Variants in PPIL2 observed in about 807,000 individuals in gnomAD.
The protein encoded by PPIL2 is peptidylprolyl isomerase like 2.
In PPIL2, 50 loss-of-function variants were observed where a neutral mutation model predicts 75.2. That is an observed-to-expected ratio of 0.66 (90% CI 0.53 to 0.84). PPIL2 has a LOEUF of 0.84. Among genes scored for constraint, PPIL2 ranks in the 40% least tolerant of loss-of-function variants. The pLI is 0.00. For missense variants in PPIL2, 590 were observed against 685.0 expected (o/e 0.86, Z 1.55); for synonymous variants, 245 against 258.8 (o/e 0.95, Z 0.51).
intron 15 of PPIL2, among the ~76,000 whole-genome samples, chr22:21,692,406 G>C (rs549891140): frequency 6.7e-6 from 1 of 149,438 alleles, no homozygotes; most frequent in Non-Finnish European, 1.5e-5. Context: ...CGCCCACCTT[G>C]GCCTCCCAAA....
intron 6 of PPIL2, among the ~76,000 whole-genome samples, chr22:21,678,288 G>C (rs2066961939): frequency 6.6e-6 from 1 of 152,140 alleles, no homozygotes. Context: ...CTGGAATGCA[G>C]TGGCACAGTC....
In PPIL2 at chr22:21,675,108, C is replaced by G; in HGVS notation, c.288C>G (p.Asn96Lys). ...TGATCAAGCTGAACTTTTCCAAGAA[C>G]AGTGAGGGTGAGTGGAACTATCACA... ...RSLIKLNFSKNSEGKYHCPVL... is the reference protein window; with the variant it reads ...RSLIKLNFSKKSEGKYHCPVL... The change falls in exon 6 of 20, where the codon AAC becomes AAG. Residue 96 changes from asparagine to lysine, a missense_variant. By Grantham distance (94) the Asn-to-Lys change is moderately conservative. Coordinates refer to ENST00000398831, the MANE Select transcript of PPIL2 (RefSeq NM_014337.4). 6.2e-7 allele frequency: 1 copy of G among 1,613,124 alleles called. No individual in the cohort carries two copies. Among genetic ancestry groups the G allele is most frequent in the Non-Finnish European group, 8.5e-7 (1 of 1,179,126 alleles).
intron 15 of PPIL2, among the ~76,000 whole-genome samples, chr22:21,689,457 A>G (rs780439792): frequency 6.6e-6 from 1 of 152,122 alleles, no homozygotes; most frequent in Non-Finnish European, 1.5e-5. Flanking sequence ...AGGATTTTTT[A>G]TAGTTTATGA....
chr22:21,690,211 G>C lies in PPIL2; in HGVS notation c.1139+1362G>C, dbSNP rs187762138. Among the ~76,000 whole-genome samples, 1,164 of 152,054 alleles carry C rather than the reference G, an allele frequency of 7.7e-3. 17 individuals carry two copies. The highest frequency in any genetic ancestry group is 0.026 in the African/African-American group (1,087 of 41,452). On this transcript the variant is annotated intron_variant, in intron 15 of 19. Transcript: ENST00000398831. Reference sequence around the variant, plus strand: ...CAGCCTGGGCAACATGGCAAAACCCGATCTCTACAAAAAATAAAAAAAATT... The same window carrying C: ...CAGCCTGGGCAACATGGCAAAACCCCATCTCTACAAAAAATAAAAAAAATT...
intron 1 of PPIL2, among the ~76,000 whole-genome samples, chr22:21,666,458 C>T (rs934081194): frequency 6.6e-6 from 1 of 152,182 alleles, no homozygotes; most frequent in Non-Finnish European, 1.5e-5. Context: ...TACTTCACGT[C>T]TCGCTGTGTT....
Position 21,696,836 on chromosome 22 carries a change from T to C in PPIL2, c.*1346T>C. 1.3e-6 allele frequency: 2 copies of C among 1,565,620 alleles called. No individual in the cohort carries two copies. The highest frequency in any genetic ancestry group is 1.7e-6 in the Non-Finnish European group (2 of 1,155,728). On this transcript the variant is annotated 3_prime_UTR_variant, in exon 20 of 20. Transcript: ENST00000398831. The stretch of plus-strand genomic sequence containing the variant: ...CTGAGCCCTTTGTCTCCCTGGATGC[T>C]GGGTGGCGCCTCATCTGCATCTCTG...
Position 21,695,805 on chromosome 22 carries a change from G to A in PPIL2, c.*315G>A. On this transcript the variant is annotated 3_prime_UTR_variant, in exon 20 of 20. Coordinates refer to ENST00000398831, the MANE Select transcript of PPIL2 (RefSeq NM_014337.4). ...CTAGTAGGCAGGCCAGGTTAGTGAG[G>A]AAGGACTGTGTCTCCAGATTGTGGT... is the stretch of plus-strand genomic sequence containing the variant. 1 of 1,199,786 alleles carries A rather than the reference G, an allele frequency of 8.3e-7. No homozygotes were observed. The highest frequency in any genetic ancestry group is 1.0e-6 in the Non-Finnish European group (1 of 955,214). The allele number at this position is 1,199,786 out of a possible 1,614,324, so 74.3% of individuals were successfully genotyped here.
intron 6 of PPIL2, among the ~76,000 whole-genome samples, chr22:21,678,988 T>TTGGGTTCAAGCGATTCTCC (rs1411155569): frequency 5.5e-4 from 82 of 150,432 alleles, no homozygotes; most frequent in African/African-American, 1.9e-3. Flanking sequence ...CCTCCGCCTC[T>TTGGGTTCAAGCGATTCTCC]TGGGTTCAAG....
chr22:21,667,173 T>TTTTG (rs1192471450), intron 1 of PPIL2, among the ~76,000 whole-genome samples: 1 of 137,552 alleles, frequency 7.3e-6, no homozygotes, highest in African/African-American at 2.7e-5. Flanking sequence ...TTTTTTTTTT[T>TTTTG]GAGACGCAGT....
At chr22:21,698,008 C>T (rs746818771), downstream of PPIL2, 4 of 152,366 alleles carry the variant, frequency 2.6e-5, no homozygotes, top group Non-Finnish European at 5.9e-5. Context: ...CACATTCCTA[C>T]AGCAAATGCA....
chr22:21,692,362 G>A (rs549803608), intron 15 of PPIL2, among the ~76,000 whole-genome samples: 142 of 151,400 alleles, frequency 9.4e-4, no homozygotes, highest in Admixed American at 2.2e-3. Context: ...CACCGTGTTA[G>A]CGAGGATGGT....
At chr22:21,692,787 G>C (rs967482820) in intron 15 of PPIL2, among the ~76,000 whole-genome samples, 1 of 151,676 alleles carries the variant, frequency 6.6e-6, no homozygotes, top group Non-Finnish European at 1.5e-5. Context: ...TTAGCTGGGC[G>C]TGATGGCGGG....
chr22:21,688,793 G>T lies in PPIL2; in HGVS notation c.1083G>T (p.Thr361=), dbSNP rs1181940180. ...KDEFRPNLSH[T]GRGILSMANS... ...AGTTCCGGCCCAACCTCTCGCACAC[G>T]GGCCGCGGCATCCTCAGCATGGCCA... Residue 361 remains threonine, a synonymous_variant, in exon 15 of 20, where the codon ACG becomes ACT. Transcript: ENST00000398831. 4 of 1,614,234 alleles carry T rather than the reference G, an allele frequency of 2.5e-6. No homozygotes were observed. The South Asian group carries it at 4.4e-5, about 18-fold the overall frequency.
At chr22:21,693,757 A>T (rs1601601947) in intron 15 of PPIL2, 59 bp from the exon 16 acceptor site, 2 of 1,490,258 alleles carry the variant, frequency 1.3e-6, no homozygotes, top group East Asian at 4.5e-5. Flanking sequence ...GTGTGCTCTT[A>T]GGCAGGCCAG....
chr22:21,687,485 G>A (rs1034280178), intron 12 of PPIL2, among the ~76,000 whole-genome samples, 158 bp from the exon 13 acceptor site: 2 of 151,010 alleles, frequency 1.3e-5, no homozygotes, highest in Admixed American at 6.6e-5. Flanking sequence ...CCTAGGAGGC[G>A]GAGGTTGCAG....
rs1001256871 is a variant in PPIL2, at chr22:21,693,888, G to A, written c.1196+16G>A. 1.3e-6 allele frequency: 2 copies of A among 1,530,830 alleles called. No individual in the cohort carries two copies. The highest frequency in any genetic ancestry group is 1.7e-5 in the Admixed American group (1 of 59,888). 94.8% of individuals were successfully genotyped at this position (1,530,830 alleles called of 1,614,324 possible). The stretch of plus-strand genomic sequence containing the variant: ...TCTTTGGACGGTAAGGGAAGCGGCT[G>A]TGTGAAGCCTGGGGGGTCAGTGGGC... On this transcript the variant is annotated intron_variant, in intron 16 of 19. Transcript: ENST00000398831.
intron 15 of PPIL2, among the ~76,000 whole-genome samples, chr22:21,692,697 A>G (rs1255326207): frequency 6.6e-6 from 1 of 151,540 alleles, no homozygotes; most frequent in Non-Finnish European, 1.5e-5. Flanking sequence ...AGGCCAAGGC[A>G]GGTGGATCAC....
At chr22:21,690,200 T>C (rs2067559856) in intron 15 of PPIL2, among the ~76,000 whole-genome samples, 1 of 151,754 alleles carries the variant, frequency 6.6e-6, no homozygotes, top group African/African-American at 2.4e-5. Flanking sequence ...CTGGGCAACA[T>C]GGCAAAACCC....
rs1185663164 is a variant in PPIL2, at chr22:21,686,978, C to G, written c.877C>G (p.Leu293Val). ...RLHTNKGDLN[L>V]ELHCDLTPKT... ...GCACACCAACAAGGGCGACCTCAACCTGGAGCTGCACTGCGACCTGGTGGG... is the reference window on the plus strand; with the variant it reads ...GCACACCAACAAGGGCGACCTCAACGTGGAGCTGCACTGCGACCTGGTGGG... The change falls in exon 12 of 20, where the codon CTG becomes GTG. Residue 293 changes from leucine to valine, a missense_variant. Physicochemically the swap from Leu to Val is conservative, Grantham distance 32. Transcript: ENST00000398831. The G allele has an allele frequency of 3.7e-6, 6 of 1,613,126 alleles. No individual in the cohort carries two copies. The highest frequency in any genetic ancestry group is 2.7e-5 in the African/African-American group (2 of 74,688).
Sources: gnomAD v4.1 joint callset for allele counts (sites outside exome capture counted in the v4.1 genomes callset) on GRCh38, gnomAD v4.1.1 for gene constraint, MANE v1.5 for transcripts, NCBI Gene and HGNC (gene_info 2026-07-23, HGNC 2026-07-21) for gene names.